SNTB1: variants seen among roughly 807,000 people sequenced by gnomAD.
The protein encoded by SNTB1 is beta-1-syntrophin.
SNTB1 carries 36 observed loss-of-function variants against 48.9 expected under a neutral mutation model. The observed-to-expected ratio is 0.74, with a 90% CI of 0.56 to 0.97. The LOEUF (loss-of-function observed/expected upper bound fraction) is 0.97. Ranked by LOEUF, SNTB1 falls within the 50% of genes least tolerant of loss-of-function variation. SNTB1 has a pLI of 0.00. For synonymous variants in SNTB1, 299 were observed against 294.6 expected, an observed-to-expected ratio of 1.01 and a Z score of -0.15; for missense variants, 786 against 703.4, an observed-to-expected ratio of 1.12 and a Z score of -1.33.
chr8:120,787,681 T>G (rs10086173), intron 1 of SNTB1, among the ~76,000 whole-genome samples: 17,189 of 151,836 alleles, frequency 0.11, 1,382 homozygotes, highest in African/African-American at 0.22. Context: ...AGACAAAAAT[T>G]ACAAAAAAAT....
At chr8:120,704,230 T>C (rs1247953616) in intron 1 of SNTB1, among the ~76,000 whole-genome samples, 1 of 152,170 alleles carries the variant, frequency 6.6e-6, no homozygotes, top group Non-Finnish European at 1.5e-5. Context: ...GTGGGAGAAT[T>C]GCTTGAGGCC....
chr8:120,664,560 CAG>C (rs1817643201), intron 2 of SNTB1, among the ~76,000 whole-genome samples: 1 of 152,140 alleles, frequency 6.6e-6, no homozygotes, highest in Non-Finnish European at 1.5e-5. Context: ...TTATTTCACA[CAG>C]CATAATTGTT....
chr8:120,703,895 T>G (rs1360863979), intron 1 of SNTB1, among the ~76,000 whole-genome samples: 1 of 152,236 alleles, frequency 6.6e-6, no homozygotes, highest in Non-Finnish European at 1.5e-5. Flanking sequence ...GGAGCAATTC[T>G]ATGAAGTAGG....
At position 120,537,344 on chromosome 8, in the gene SNTB1, C is replaced by T. The variant is rs966387688; in HGVS notation, c.*1533G>A. 6.6e-6 allele frequency: 1 copy of T among 152,124 alleles called. No homozygotes were observed. The highest frequency in any genetic ancestry group is 2.4e-5 in the African/African-American group (1 of 41,420). 9.4% of individuals were successfully genotyped at this position (152,124 alleles called of 1,614,324 possible). On this transcript the variant is annotated 3_prime_UTR_variant, in exon 7 of 7. Coordinates refer to ENST00000517992, the MANE Select transcript of SNTB1 (RefSeq NM_021021.4). Reference sequence around the variant, plus strand: ...CTCAGTATTTAGTAAAGTGTATTAACAAACCCCTGTCTCCCCCCAGCAAAA... The same window carrying T: ...CTCAGTATTTAGTAAAGTGTATTAATAAACCCCTGTCTCCCCCCAGCAAAA...
intron 1 of SNTB1, among the ~76,000 whole-genome samples, chr8:120,731,728 C>G (rs976438755): frequency 1.3e-5 from 2 of 152,194 alleles, no homozygotes; most frequent in Non-Finnish European, 2.9e-5. Flanking sequence ...GTACCAGACC[C>G]AGAACCAGTA....
intron 1 of SNTB1, among the ~76,000 whole-genome samples, chr8:120,800,307 T>C (rs1215767422): frequency 6.6e-6 from 1 of 152,082 alleles, no homozygotes; most frequent in East Asian, 1.9e-4. Flanking sequence ...AGAATGAAAA[T>C]GCCATACAAT....
chr8:120,596,171 C>T (rs1447711820), intron 3 of SNTB1, among the ~76,000 whole-genome samples: 1 of 152,164 alleles, frequency 6.6e-6, no homozygotes, highest in African/African-American at 2.4e-5. Context: ...TTAAATTTTT[C>T]TATGCCTTTT....
intron 1 of SNTB1, among the ~76,000 whole-genome samples, chr8:120,773,955 T>G (rs1819685207): frequency 1.3e-5 from 2 of 152,212 alleles, no homozygotes; most frequent in African/African-American, 2.4e-5. Context: ...AACTAATATT[T>G]ATCGGAAACC....
At chr8:120,575,986 C>T (rs1242023522) in intron 3 of SNTB1, among the ~76,000 whole-genome samples, 1 of 152,188 alleles carries the variant, frequency 6.6e-6, no homozygotes, top group Non-Finnish European at 1.5e-5. Flanking sequence ...GTTCCTCTGT[C>T]TATAAAAATG....
chr8:120,628,207 T>C (rs968409061), intron 3 of SNTB1, among the ~76,000 whole-genome samples: 1 of 152,234 alleles, frequency 6.6e-6, no homozygotes, highest in Non-Finnish European at 1.5e-5. Flanking sequence ...AGGGAATGCC[T>C]GATGAACTGA....
At chr8:120,562,385 A>G (rs996887466) in intron 4 of SNTB1, among the ~76,000 whole-genome samples, 1 of 152,156 alleles carries the variant, frequency 6.6e-6, no homozygotes, top group Non-Finnish European at 1.5e-5. Context: ...TTCAAAGTCC[A>G]TGGACCTCCT....
intron 2 of SNTB1, chr8:120,637,176 A>G (rs938693512): frequency 3.1e-6 from 1 of 322,202 alleles, no homozygotes; most frequent in East Asian, 8.6e-5. Context: ...CATGGGGGAG[A>G]GCATGCCTAG....
At chr8:120,667,030 T>C (rs1817682846) in intron 2 of SNTB1, among the ~76,000 whole-genome samples, 1 of 152,118 alleles carries the variant, frequency 6.6e-6, no homozygotes, top group African/African-American at 2.4e-5. Context: ...AATTGATCAG[T>C]TTTTCTCTAC....
At chr8:120,753,764 T>A (rs1312475348) in intron 1 of SNTB1, among the ~76,000 whole-genome samples, 1 of 152,218 alleles carries the variant, frequency 6.6e-6, no homozygotes, top group East Asian at 1.9e-4. Context: ...CTAGAGGGAC[T>A]TTAATGATGA....
chr8:120,546,149 A>G (rs955076971), intron 5 of SNTB1, among the ~76,000 whole-genome samples: 2 of 152,232 alleles, frequency 1.3e-5, no homozygotes, highest in Non-Finnish European at 2.9e-5. Flanking sequence ...AACAGCAACT[A>G]TTATATGAAA....
chr8:120,698,381 G>T (rs1818245604), intron 1 of SNTB1, among the ~76,000 whole-genome samples: 1 of 152,140 alleles, frequency 6.6e-6, no homozygotes, highest in South Asian at 2.1e-4. Context: ...TATCGTCACT[G>T]TCCCTAAGGA....
intron 5 of SNTB1, among the ~76,000 whole-genome samples, chr8:120,548,333 C>G (rs769635261): frequency 6.6e-6 from 1 of 152,148 alleles, no homozygotes; most frequent in African/African-American, 2.4e-5. Context: ...TATAGCAGGC[C>G]TAAAAGACTC....
chr8:120,643,215 A>G (rs1443219967), intron 2 of SNTB1, among the ~76,000 whole-genome samples: 1 of 152,230 alleles, frequency 6.6e-6, no homozygotes, highest in Admixed American at 6.5e-5. Context: ...AGGAACTGCT[A>G]TGCCTTTTCT....
Position 120,778,028 on chromosome 8 carries a change from G to A in SNTB1, c.571+33245C>T, listed in dbSNP as rs144963842. Among the ~76,000 whole-genome samples the A allele has an allele frequency of 7.9e-5, 12 of 152,212 alleles. 1 individual carries two copies. Among genetic ancestry groups the A allele is most frequent in the Non-Finnish European group, 1.3e-4 (9 of 68,044 alleles). The stretch of plus-strand genomic sequence containing the variant: ...TTGCTGTTTTGCAAACCACAGCTCT[G>A]TTAACAATGTCCAGTCATTTACTTC... On this transcript the variant is annotated intron_variant, in intron 1 of 6. Transcript: ENST00000517992.
Sources: gnomAD v4.1 joint callset for allele counts (sites outside exome capture counted in the v4.1 genomes callset) on GRCh38, gnomAD v4.1.1 for gene constraint, MANE v1.5 for transcripts, NCBI Gene and HGNC (gene_info 2026-07-23, HGNC 2026-07-21) for gene names.